Variants in CCDC149 observed in about 807,000 individuals in gnomAD.
The protein encoded by CCDC149 is coiled-coil domain-containing protein 149.
In CCDC149, 45 loss-of-function variants were observed where a neutral mutation model predicts 59.9. The observed-to-expected ratio is 0.75, with a 90% CI of 0.59 to 0.96. CCDC149 has a LOEUF of 0.96. CCDC149 is among the 40% of genes least tolerant of loss of function. The pLI, the probability that CCDC149 is intolerant of heterozygous loss-of-function variation, is 0.00. For missense variants in CCDC149, 584 were observed against 664.7 expected, an observed-to-expected ratio of 0.88 and a Z score of 1.33; for synonymous variants, 245 against 260.6, an observed-to-expected ratio of 0.94 and a Z score of 0.58.
chr4:24,861,975 A>G (rs1577421714), intron 3 of CCDC149, among the ~76,000 whole-genome samples: 1 of 152,282 alleles, frequency 6.6e-6, no homozygotes, highest in South Asian at 2.1e-4. Flanking sequence ...TTCTGTCTAA[A>G]AGCAGACATA....
At chr4:24,843,933 G>A (rs1373132434) in intron 4 of CCDC149, among the ~76,000 whole-genome samples, 2 of 152,146 alleles carry the variant, frequency 1.3e-5, no homozygotes, top group East Asian at 3.9e-4. Flanking sequence ...TCCCTTGTCC[G>A]AAACATGCCA....
intron 9 of CCDC149, chr4:24,828,811 T>C (rs1715935472): frequency 6.6e-6 from 1 of 152,012 alleles, no homozygotes; most frequent in Non-Finnish European, 1.5e-5. Context: ...ACCCAGAGGA[T>C]GGCTCAAAAA....
chr4:24,928,886 G>A (rs369085518), intron 1 of CCDC149, among the ~76,000 whole-genome samples: 1 of 152,222 alleles, frequency 6.6e-6, no homozygotes, highest in Admixed American at 6.5e-5. Context: ...TGTGACAGGC[G>A]GGGCAGCACA....
At chr4:24,895,128 A>C (rs1720768139) in intron 1 of CCDC149, 2 of 903,920 alleles carry the variant, frequency 2.2e-6, no homozygotes, top group African/African-American at 3.3e-5. Context: ...ACTAGGAATA[A>C]GAACACGTTA....
At position 24,838,244 on chromosome 4, in the gene CCDC149, CTTTG is replaced by C. The variant is rs1049484029; in HGVS notation, c.397_400del (p.Gln133GlyfsTer24). ...CACGCCGATTGCTTCGTCTCCGAGC[CTTTG>C]TTTGGCAATCGTCATCCTCAAGAGC... On this transcript the variant is annotated frameshift_variant, in exon 5 of 13. Transcript: ENST00000635206. LOFTEE classifies it high-confidence loss of function. 3.7e-6 allele frequency: 6 copies of C among 1,613,964 alleles called. No homozygotes were observed. The highest frequency in any genetic ancestry group is 5.1e-6 in the Non-Finnish European group (6 of 1,180,004).
chr4:24,861,188 A>T (rs961273193), intron 3 of CCDC149, among the ~76,000 whole-genome samples: 3 of 152,126 alleles, frequency 2.0e-5, no homozygotes, highest in African/African-American at 7.2e-5. Context: ...CACAATTCAC[A>T]ATTGCAAAAA....
At chr4:24,875,405 G>C (rs1719349199) in intron 2 of CCDC149, among the ~76,000 whole-genome samples, 1 of 151,740 alleles carries the variant, frequency 6.6e-6, no homozygotes, top group South Asian at 2.1e-4. Flanking sequence ...AGTTAGATCT[G>C]TAGGCCTAGA....
At chr4:24,961,133 A>G (rs1723623722) in intron 1 of CCDC149, among the ~76,000 whole-genome samples, 1 of 152,164 alleles carries the variant, frequency 6.6e-6, no homozygotes, top group Non-Finnish European at 1.5e-5. Flanking sequence ...AAATTTTAAT[A>G]CATTTTAAAG....
intron 1 of CCDC149, among the ~76,000 whole-genome samples, chr4:24,966,880 G>T (rs1305918711): frequency 1.3e-5 from 2 of 152,204 alleles, no homozygotes; most frequent in African/African-American, 4.8e-5. Flanking sequence ...GCGACTGGAG[G>T]CCACATGTGG....
At chr4:24,939,825 C>T (rs955245966) in intron 1 of CCDC149, among the ~76,000 whole-genome samples, 3 of 151,892 alleles carry the variant, frequency 2.0e-5, no homozygotes, top group Admixed American at 1.3e-4. Context: ...TGAAACGATG[C>T]GTGAAGAGAA....
At chr4:24,912,384 A>G (rs1454407481) in intron 1 of CCDC149, among the ~76,000 whole-genome samples, 1 of 152,108 alleles carries the variant, frequency 6.6e-6, no homozygotes, top group Admixed American at 6.5e-5. Context: ...CGCCGCAGGT[A>G]ATTCCACCTG....
intron 1 of CCDC149, among the ~76,000 whole-genome samples, chr4:24,906,469 T>G (rs1721540847): frequency 6.8e-6 from 1 of 147,478 alleles, no homozygotes; most frequent in Non-Finnish European, 1.5e-5. Flanking sequence ...TGGCACGATC[T>G]TGGCTCACTG....
At position 24,806,635 on chromosome 4, in the gene CCDC149, T is replaced by A. The variant is rs1240743433; in HGVS notation, c.*1754A>T. The A allele has an allele frequency of 1.3e-5, 2 of 152,458 alleles. No homozygotes were observed. The highest frequency in any genetic ancestry group is 4.8e-5 in the African/African-American group (2 of 41,456). 9.4% of individuals were successfully genotyped at this position (152,458 alleles called of 1,614,324 possible). ...AGAATGATTTCTGTGACTGCTGGTC[T>A]GTGCAAGCCCTCCAGCTGCGGGAGC... is the stretch of plus-strand genomic sequence containing the variant. On this transcript the variant is annotated 3_prime_UTR_variant, in exon 13 of 13. Coordinates refer to ENST00000635206, the MANE Select transcript of CCDC149 (RefSeq NM_001330643.2).
chr4:24,921,414 C>A (rs1436493189), intron 1 of CCDC149, among the ~76,000 whole-genome samples: 1 of 152,192 alleles, frequency 6.6e-6, no homozygotes, highest in African/African-American at 2.4e-5. Context: ...CATTCAACAC[C>A]CCCATCCAGG....
chr4:24,835,177 C>T lies in CCDC149; in HGVS notation c.736-145G>A. 3 of 555,494 alleles carry T rather than the reference C, an allele frequency of 5.4e-6. No individual in the cohort carries two copies. The South Asian group carries it at 8.5e-5, about 16-fold the overall frequency. 34.4% of individuals were successfully genotyped at this position (555,494 alleles called of 1,614,324 possible). A position where few individuals can be genotyped will look rare whatever the true frequency, so the allele number is the denominator to read the frequency against. ...TAATATTTAGAATTCCAAGTCTACG[C>T]CCAAGAGTTATAATTTTTACGGCCT... On this transcript the variant is annotated intron_variant, in intron 7 of 12. Transcript: ENST00000635206.
chr4:24,940,470 G>C lies in CCDC149; in HGVS notation c.-65+39599C>G, dbSNP rs557182710. ...CAAATTGTAAAGACCATCAAGGCTAGGAAGAAACAGCATCAACTAACGAGC... is the reference window on the plus strand; with the variant it reads ...CAAATTGTAAAGACCATCAAGGCTACGAAGAAACAGCATCAACTAACGAGC... On this transcript the variant is annotated intron_variant, in intron 1 of 12. Transcript: ENST00000389609. Among the ~76,000 whole-genome samples the C allele has an allele frequency of 3.4e-3, 518 of 152,286 alleles. 1 individual carries two copies. Among genetic ancestry groups the C allele is most frequent in the African/African-American group, 0.012 (499 of 41,550 alleles).
At chr4:24,856,384 T>C (rs1020214174) in intron 3 of CCDC149, among the ~76,000 whole-genome samples, 4 of 152,158 alleles carry the variant, frequency 2.6e-5, no homozygotes, top group African/African-American at 9.7e-5. Context: ...ATAGAATATA[T>C]AATGAATCCG....
chr4:24,963,719 A>G (rs2109362802), intron 1 of CCDC149, among the ~76,000 whole-genome samples: 1 of 152,380 alleles, frequency 6.6e-6, no homozygotes, highest in South Asian at 2.1e-4. Context: ...TCAATAAAAG[A>G]CAATAGATAC....
rs536961631 is a variant in CCDC149, at chr4:24,909,214, G to A, written c.63+3603C>T. Among the ~76,000 whole-genome samples the A allele has an allele frequency of 2.3e-4, 35 of 152,222 alleles. No homozygotes were observed. In the South Asian group the frequency reaches 4.6e-3, roughly 20 times the overall value. ...GAAGCAACTGATTGAAAGAGAGGAC[G>A]GGGCTCTGGGCAGGTGATGGAGAGG... On this transcript the variant is annotated intron_variant, in intron 1 of 12. Transcript: ENST00000635206.
Sources: allele counts gnomAD v4.1 joint callset (sites outside exome capture counted in the v4.1 genomes callset), GRCh38; gene constraint gnomAD v4.1.1; transcripts MANE v1.5; gene names NCBI Gene and HGNC (gene_info 2026-07-23, HGNC 2026-07-21).